The following AEBP2 variants were observed in gnomAD, a reference collection of about 807,000 sequenced individuals.
AEBP2 encodes zinc finger protein AEBP2.
AEBP2 carries 10 observed loss-of-function variants against 50.8 expected under a neutral mutation model. That is an observed-to-expected ratio of 0.20 (90% CI 0.12 to 0.33). The LOEUF (loss-of-function observed/expected upper bound fraction) is 0.33. AEBP2 is among the 10% of genes least tolerant of loss of function. The pLI is 1.00. For missense variants in AEBP2, 570 were observed against 688.0 expected, an observed-to-expected ratio of 0.83 and a Z score of 1.92; for synonymous variants, 296 against 261.3, an observed-to-expected ratio of 1.13 and a Z score of -1.28.
At chr12:19,421,171 C>G (rs2153364433) in intron 1 of AEBP2, among the ~76,000 whole-genome samples, 1 of 151,736 alleles carries the variant, frequency 6.6e-6, no homozygotes, top group East Asian at 1.9e-4. Context: ...TAGTGAAACC[C>G]TGTCTCTACT....
At chr12:19,446,722 A>C (rs1294917162) in intron 1 of AEBP2, among the ~76,000 whole-genome samples, 7 of 121,250 alleles carry the variant, frequency 5.8e-5, no homozygotes, top group Non-Finnish European at 8.5e-5. Context: ...ACAGAGCGAG[A>C]CTCCGTTTCC....
intron 1 of AEBP2, among the ~76,000 whole-genome samples, chr12:19,446,806 A>T (rs748296556): frequency 9.9e-5 from 15 of 151,974 alleles, no homozygotes; most frequent in Non-Finnish European, 1.8e-4. Context: ...ACATGCCTCA[A>T]TTCCTAGCTA....
intron 5 of AEBP2, among the ~76,000 whole-genome samples, chr12:19,502,541 C>T (rs1312929415): frequency 6.6e-6 from 1 of 152,104 alleles, no homozygotes; most frequent in East Asian, 1.9e-4. Context: ...ATTAGGGAGT[C>T]CTTTCCTCAC....
In AEBP2 at chr12:19,457,296, G is replaced by T; in HGVS notation, c.672-5214G>T. The T allele has an allele frequency of 4.5e-6, 7 of 1,559,242 alleles. No individual in the cohort carries two copies. In the South Asian group the frequency reaches 7.8e-5, roughly 17 times the overall value. ...CACCAACACTGGCAGCAACAATCAG[G>T]ACAGCACAGTCAGCCTGAGATGTCC... On this transcript the variant is annotated intron_variant, in intron 1 of 7. Coordinates refer to ENST00000266508, the MANE Select transcript of AEBP2 (RefSeq NM_153207.5).
intron 4 of AEBP2, among the ~76,000 whole-genome samples, chr12:19,495,054 C>A (rs967782443): frequency 6.6e-6 from 1 of 152,020 alleles, no homozygotes; most frequent in Non-Finnish European, 1.5e-5. Context: ...TACAGGCACC[C>A]GCCACCACGA....
intron 1 of AEBP2, among the ~76,000 whole-genome samples, chr12:19,453,557 G>A (rs1481351084): frequency 6.6e-6 from 1 of 152,016 alleles, no homozygotes; most frequent in African/African-American, 2.4e-5. Context: ...CTGTGTAGCT[G>A]GGATTACAGG....
intron 1 of AEBP2, among the ~76,000 whole-genome samples, chr12:19,420,617 C>T (rs1051811214): frequency 3.3e-5 from 5 of 152,174 alleles, no homozygotes; most frequent in African/African-American, 4.8e-5. Flanking sequence ...TGAGCCACTG[C>T]GCCCGGCCAA....
At chr12:19,485,425 A>G (rs200918161) in intron 3 of AEBP2, among the ~76,000 whole-genome samples, 1 of 152,062 alleles carries the variant, frequency 6.6e-6, no homozygotes, top group East Asian at 1.9e-4. Context: ...AAAACAGAGT[A>G]GGCCGGGTGT....
At chr12:19,447,945 AATGGATT>A (rs1156454466) in intron 1 of AEBP2, among the ~76,000 whole-genome samples, 11 of 152,174 alleles carry the variant, frequency 7.2e-5, no homozygotes, top group Non-Finnish European at 1.3e-4. Context: ...ACAAATAGAT[AATGGATT>A]ATCTTCTTTA....
intron 1 of AEBP2, among the ~76,000 whole-genome samples, chr12:19,431,855 T>G (rs2095751605): frequency 6.6e-6 from 1 of 152,202 alleles, no homozygotes; most frequent in Non-Finnish European, 1.5e-5. Context: ...CTATTGATCT[T>G]GCTCACCATG....
chr12:19,408,578 T>C (rs1217887029), intron 1 of AEBP2, among the ~76,000 whole-genome samples: 1 of 151,430 alleles, frequency 6.6e-6, no homozygotes, highest in Non-Finnish European at 1.5e-5. Context: ...GTATACACTT[T>C]CTGGATTTAA....
intron 3 of AEBP2, among the ~76,000 whole-genome samples, chr12:19,486,259 ATATC>A: frequency 6.6e-6 from 1 of 152,286 alleles, no homozygotes; most frequent in East Asian, 1.9e-4. Flanking sequence ...ACTCAACAAA[ATATC>A]AGCGAGATTT....
intron 1 of AEBP2, among the ~76,000 whole-genome samples, chr12:19,421,714 C>T (rs2095745914): frequency 6.6e-6 from 1 of 152,184 alleles, no homozygotes; most frequent in African/African-American, 2.4e-5. Flanking sequence ...GGCCTGGAGG[C>T]CCCTGATGTG....
At chr12:19,472,235 A>G (rs975022687) in intron 2 of AEBP2, among the ~76,000 whole-genome samples, 3 of 152,092 alleles carry the variant, frequency 2.0e-5, no homozygotes, top group Non-Finnish European at 4.4e-5. Flanking sequence ...CTTGTGTTCT[A>G]TATGTATGTA....
chr12:19,427,992 T>A (rs2095749460), intron 1 of AEBP2, among the ~76,000 whole-genome samples: 1 of 151,998 alleles, frequency 6.6e-6, no homozygotes, highest in Non-Finnish European at 1.5e-5. Context: ...ATCCCAGCAC[T>A]TTTAGAGGCT....
At chr12:19,492,597 A>T (rs1033599966) in intron 3 of AEBP2, among the ~76,000 whole-genome samples, 6 of 151,540 alleles carry the variant, frequency 4.0e-5, no homozygotes, top group East Asian at 1.9e-4. Context: ...AAAATAAAAT[A>T]AAAAAAATTT....
chr12:19,492,485 G>A (rs560375218), intron 3 of AEBP2, among the ~76,000 whole-genome samples: 6 of 151,748 alleles, frequency 4.0e-5, no homozygotes, highest in African/African-American at 1.2e-4. Flanking sequence ...TGTAGAGGGC[G>A]GCATATGACC....
intron 6 of AEBP2, among the ~76,000 whole-genome samples, chr12:19,514,100 A>T (rs1344228645): frequency 6.6e-6 from 1 of 151,800 alleles, no homozygotes; most frequent in African/African-American, 2.4e-5. Flanking sequence ...CCTGGGTTCA[A>T]GCGATTCTTG....
At chr12:19,514,640 C>T (rs75491586) in intron 6 of AEBP2, 31 bp from the exon 7 acceptor site, 42,153 of 1,489,082 alleles carry the variant, frequency 0.028, 655 homozygotes, top group East Asian at 0.041. Context: ...ATTAATGTTA[C>T]TTTATTATTG....
Sources: allele counts gnomAD v4.1 joint callset (sites outside exome capture counted in the v4.1 genomes callset), GRCh38; gene constraint gnomAD v4.1.1; transcripts MANE v1.5; gene names NCBI Gene and HGNC (gene_info 2026-07-23, HGNC 2026-07-21).